The following DNAJB6 variants were observed in gnomAD, a reference collection of about 807,000 sequenced individuals.
The protein encoded by DNAJB6 is DnaJ heat shock protein family (Hsp40) member B6.
Under a neutral mutation model 42.7 loss-of-function variants are expected in DNAJB6, and 16 were observed. The ratio of observed to expected loss-of-function variants is 0.37; its 90% CI spans 0.25 to 0.57. The LOEUF is 0.57. Among genes scored for constraint, DNAJB6 ranks in the 20% least tolerant of loss-of-function variants. The pLI, the probability that DNAJB6 is intolerant of heterozygous loss-of-function variation, is 0.74. For missense variants in DNAJB6, 347 were observed against 416.8 expected (o/e 0.83, Z 1.46); for synonymous variants, 170 against 163.5 (o/e 1.04, Z -0.30).
At chr7:157,342,859 C>A (rs974351776) in intron 1 of DNAJB6, among the ~76,000 whole-genome samples, 1 of 151,642 alleles carries the variant, frequency 6.6e-6, no homozygotes. Flanking sequence ...GAAATAACTT[C>A]TGTGTTTGTT....
intron 5 of DNAJB6, among the ~76,000 whole-genome samples, chr7:157,375,246 CAGAAA>C (rs1800413607): frequency 6.6e-6 from 1 of 152,124 alleles, no homozygotes; most frequent in African/African-American, 2.4e-5. Context: ...GAGTAGGGCT[CAGAAA>C]AGAGCCTGGA....
At chr7:157,382,679 C>T (rs62494680) in intron 6 of DNAJB6, 4 of 183,338 alleles carry the variant, frequency 2.2e-5, no homozygotes, top group Non-Finnish European at 3.4e-5. Flanking sequence ...TGGAAAGTAA[C>T]GCAGTTGGAA....
intron 2 of DNAJB6, among the ~76,000 whole-genome samples, chr7:157,361,803 C>T (rs962821276): frequency 4.6e-5 from 7 of 152,332 alleles, no homozygotes; most frequent in African/African-American, 1.7e-4. Flanking sequence ...GAGGCTCGCT[C>T]TGTCACCTAG....
At chr7:157,338,692 A>C (rs1302865583) in intron 1 of DNAJB6, among the ~76,000 whole-genome samples, 1 of 152,194 alleles carries the variant, frequency 6.6e-6, no homozygotes, top group Non-Finnish European at 1.5e-5. Flanking sequence ...TTGTGCTTTC[A>C]CATTTCTTTC....
intron 1 of DNAJB6, among the ~76,000 whole-genome samples, chr7:157,346,801 GCAGGTTTC>G (rs1798710871): frequency 6.6e-6 from 1 of 152,354 alleles, no homozygotes; most frequent in South Asian, 2.1e-4. Context: ...AGCCAGCTCT[GCAGGTTTC>G]CTTGGAGACA....
intron 1 of DNAJB6, among the ~76,000 whole-genome samples, chr7:157,350,317 C>T (rs6967737): frequency 6.6e-6 from 1 of 152,142 alleles, no homozygotes; most frequent in Non-Finnish European, 1.5e-5. Context: ...GTATATTTGC[C>T]TAGAGACAGA....
At chr7:157,396,644 C>T (rs1358421956) in intron 8 of DNAJB6, among the ~76,000 whole-genome samples, 1 of 152,186 alleles carries the variant, frequency 6.6e-6, no homozygotes, top group Non-Finnish European at 1.5e-5. Flanking sequence ...CTCTGCTGCC[C>T]TCTGGGGTAC....
chr7:157,352,079 C>T (rs941792571), intron 1 of DNAJB6, among the ~76,000 whole-genome samples: 1 of 151,984 alleles, frequency 6.6e-6, no homozygotes, highest in Non-Finnish European at 1.5e-5. Flanking sequence ...CGCCTGTATT[C>T]CCAGCACTTT....
chr7:157,341,002 G>GCGCGCT (rs1452233361), intron 1 of DNAJB6, among the ~76,000 whole-genome samples: 1 of 148,778 alleles, frequency 6.7e-6, no homozygotes, highest in Non-Finnish European at 1.5e-5. Flanking sequence ...GTGTGTGCGC[G>GCGCGCT]CGCGCAGGTG....
intron 8 of DNAJB6, among the ~76,000 whole-genome samples, chr7:157,394,462 G>A (rs1343841750): frequency 6.6e-6 from 1 of 151,644 alleles, no homozygotes; most frequent in Non-Finnish European, 1.5e-5. Flanking sequence ...CCTGGAGGTC[G>A]AGGCTACAGT....
intron 8 of DNAJB6, among the ~76,000 whole-genome samples, chr7:157,400,878 C>A (rs765600354): frequency 6.6e-6 from 1 of 152,208 alleles, no homozygotes; most frequent in Non-Finnish European, 1.5e-5. Context: ...GGAGTCCCCA[C>A]CCTGGCCAGC....
intron 1 of DNAJB6, among the ~76,000 whole-genome samples, chr7:157,351,902 A>AGAATT (rs1799000650): frequency 1.3e-5 from 2 of 152,134 alleles, no homozygotes; most frequent in Admixed American, 1.3e-4. Flanking sequence ...CTGAGGCAGG[A>AGAATT]GAATTGCTTG....
At chr7:157,354,282 G>A (rs529484929) in intron 1 of DNAJB6, among the ~76,000 whole-genome samples, 36 of 152,102 alleles carry the variant, frequency 2.4e-4, no homozygotes, top group African/African-American at 8.7e-4. Flanking sequence ...TGAGTAGCTG[G>A]GATTACAGGC....
intron 8 of DNAJB6, among the ~76,000 whole-genome samples, chr7:157,398,768 G>A (rs1584941261): frequency 6.6e-6 from 1 of 152,146 alleles, no homozygotes; most frequent in East Asian, 1.9e-4. Flanking sequence ...AATTTATAAG[G>A]TTTAATATTT....
At chr7:157,381,483 G>GAAA (rs1251468602) in intron 5 of DNAJB6, 1 of 152,106 alleles carries the variant, frequency 6.6e-6, no homozygotes, top group African/African-American at 2.4e-5. Context: ...AGCAACAGAG[G>GAAA]AAAACAAAAC....
intron 8 of DNAJB6, among the ~76,000 whole-genome samples, chr7:157,390,459 C>A (rs566963026): frequency 3.3e-5 from 5 of 152,198 alleles, no homozygotes; most frequent in Non-Finnish European, 7.3e-5. Context: ...CTTCCTCTTC[C>A]CCCTAGCTGG....
rs541360409 is a variant in DNAJB6, at chr7:157,409,187, A to G, written c.692-608A>G. ...CAATGACTTTTTCTGTATTTCAAAG[A>G]TTAATAAAAGCACAACTTTTCAGAG... On this transcript the variant is annotated intron_variant, in intron 8 of 9. Coordinates refer to ENST00000262177, the MANE Select transcript of DNAJB6 (RefSeq NM_058246.4). 3.9e-5 allele frequency among the ~76,000 whole-genome samples: 6 copies of G among 152,166 alleles called. No individual in the cohort carries two copies. In the South Asian group the frequency reaches 1.0e-3, roughly 26 times the overall value.
At position 157,416,458 on chromosome 7, in the gene DNAJB6, A is replaced by G. The variant is rs1584956667; in HGVS notation, c.*360A>G. Reference sequence around the variant, plus strand: ...GAAGTACAGGAGGGCGCAGATGGCTAACTGAGTAACATTCATGAAATGAGG... The same window carrying G: ...GAAGTACAGGAGGGCGCAGATGGCTGACTGAGTAACATTCATGAAATGAGG... On this transcript the variant is annotated 3_prime_UTR_variant, in exon 10 of 10. Transcript: ENST00000262177. 9.0e-6 allele frequency: 2 copies of G among 222,042 alleles called. No homozygotes were observed. The highest frequency in any genetic ancestry group is 2.0e-4 in the East Asian group (2 of 10,054). The allele number at this position is 222,042 out of a possible 1,614,324, so 13.8% of individuals were successfully genotyped here. A position where few individuals can be genotyped will look rare whatever the true frequency, so the allele number is the denominator to read the frequency against.
intron 5 of DNAJB6, among the ~76,000 whole-genome samples, chr7:157,370,236 A>G (rs1314609288): frequency 6.6e-6 from 1 of 150,900 alleles, no homozygotes; most frequent in East Asian, 1.9e-4. Context: ...TTATTATTAA[A>G]CAGGCCCTTT....
Sources: gnomAD v4.1 joint callset for allele counts (sites outside exome capture counted in the v4.1 genomes callset) on GRCh38, gnomAD v4.1.1 for gene constraint, MANE v1.5 for transcripts, NCBI Gene and HGNC (gene_info 2026-07-23, HGNC 2026-07-21) for gene names.